Variants in RPSA2 observed in about 807,000 individuals in gnomAD.
RPSA2 encodes the protein ribosomal protein SA 2.
the RPSA2 span, among the ~76,000 whole-genome samples, chr19:23,778,995 C>CTTTTTTTTTTTTT: frequency 2.5e-5 from 2 of 80,696 alleles, no homozygotes; most frequent in Admixed American, 2.2e-4. Context: ...TTTTGTGACA[C>CTTTTTTTTTTTTT]TTTTTTTTTT....
the RPSA2 span, among the ~76,000 whole-genome samples, chr19:23,773,523 C>A: frequency 6.6e-6 from 1 of 152,144 alleles, no homozygotes; most frequent in Admixed American, 6.5e-5. Context: ...ACCTCATGAT[C>A]TGCCCGCCTC....
the RPSA2 span, among the ~76,000 whole-genome samples, chr19:23,867,936 C>A: frequency 3.9e-5 from 6 of 152,106 alleles, no homozygotes; most frequent in Non-Finnish European, 8.8e-5. Context: ...AGTGACAAAC[C>A]TGTGTGGGTG....
the RPSA2 span, among the ~76,000 whole-genome samples, chr19:23,857,483 G>GTTTT: frequency 8.3e-6 from 1 of 120,514 alleles, no homozygotes; most frequent in African/African-American, 3.1e-5. Context: ...TCTTTTTAAA[G>GTTTT]TCTTTTTTTT....
the RPSA2 span, among the ~76,000 whole-genome samples, chr19:23,761,828 A>G: frequency 6.6e-6 from 1 of 151,630 alleles, no homozygotes; most frequent in East Asian, 1.9e-4. Flanking sequence ...TCACGGCACA[A>G]TTACCCTGGA....
chr19:23,774,726 C>T, the RPSA2 span, among the ~76,000 whole-genome samples: 1 of 152,170 alleles, frequency 6.6e-6, no homozygotes, highest in Non-Finnish European at 1.5e-5. Context: ...CTGAGCTTTG[C>T]TTACAGGGAG....
At chr19:23,838,387 T>C in the RPSA2 span, among the ~76,000 whole-genome samples, 1 of 152,184 alleles carries the variant, frequency 6.6e-6, no homozygotes, top group African/African-American at 2.4e-5. Context: ...GATATGGGTC[T>C]GTAGTTTTCT....
the RPSA2 span, among the ~76,000 whole-genome samples, chr19:23,864,231 G>A: frequency 9.2e-5 from 14 of 152,200 alleles, no homozygotes; most frequent in Non-Finnish European, 1.5e-4. Context: ...CGCATGGCCT[G>A]CCTTACCTGA....
the RPSA2 span, chr19:23,799,154 CTT>C: frequency 5.3e-5 from 8 of 152,288 alleles, no homozygotes; most frequent in East Asian, 5.8e-4. Flanking sequence ...CTTGATCAAT[CTT>C]ATATCTAATT....
At chr19:23,849,902 A>G in the RPSA2 span, among the ~76,000 whole-genome samples, 1 of 152,156 alleles carries the variant, frequency 6.6e-6, no homozygotes, top group African/African-American at 2.4e-5. Flanking sequence ...AGTATGGGGT[A>G]TCTCCTATTG....
chr19:23,828,346 G>A, the RPSA2 span, among the ~76,000 whole-genome samples: 2 of 139,862 alleles, frequency 1.4e-5, no homozygotes, highest in African/African-American at 2.6e-5. Context: ...TAATATTGTT[G>A]GGTAGTTTGT....
chr19:23,823,140 A>G, the RPSA2 span, among the ~76,000 whole-genome samples: 1 of 152,220 alleles, frequency 6.6e-6, no homozygotes, highest in Non-Finnish European at 1.5e-5. Context: ...TGTATTTCAC[A>G]GAGAGTTCTC....
At chr19:23,851,450 G>A in the RPSA2 span, among the ~76,000 whole-genome samples, 1 of 152,174 alleles carries the variant, frequency 6.6e-6, no homozygotes, top group Non-Finnish European at 1.5e-5. Context: ...AGTGGTATGA[G>A]ATCTAATATG....
chr19:23,807,637 C>T, the RPSA2 span, among the ~76,000 whole-genome samples: 1 of 109,982 alleles, frequency 9.1e-6, no homozygotes, highest in Non-Finnish European at 2.0e-5. Flanking sequence ...TATTATGCCA[C>T]TCTCTTTTCT....
the RPSA2 span, chr19:23,832,970 A>G: frequency 5.4e-6 from 8 of 1,476,920 alleles, no homozygotes; most frequent in East Asian, 1.7e-4. Context: ...GTAAAACCCT[A>G]CAAGTGTGAA....
At chr19:23,789,878 A>G in the RPSA2 span, among the ~76,000 whole-genome samples, 10 of 151,830 alleles carry the variant, frequency 6.6e-5, no homozygotes, top group Admixed American at 1.3e-4. Flanking sequence ...GGGTTTCACT[A>G]TGTTGTCCAG....
the RPSA2 span, among the ~76,000 whole-genome samples, chr19:23,788,606 C>T: frequency 6.6e-6 from 1 of 152,144 alleles, no homozygotes; most frequent in Non-Finnish European, 1.5e-5. Flanking sequence ...CATTCATCAC[C>T]TAGGTAGTGA....
chr19:23,770,599 C>T, the RPSA2 span, among the ~76,000 whole-genome samples: 1 of 152,138 alleles, frequency 6.6e-6, no homozygotes, highest in Non-Finnish European at 1.5e-5. Flanking sequence ...AGATTTAACC[C>T]CCCTTTTCTG....
At chr19:23,816,307 T>C in the RPSA2 span, among the ~76,000 whole-genome samples, 1 of 152,056 alleles carries the variant, frequency 6.6e-6, no homozygotes, top group Non-Finnish European at 1.5e-5. Flanking sequence ...CAGTTTTTTG[T>C]GTATTTTTGG....
chr19:23,810,471 C>T, the RPSA2 span, among the ~76,000 whole-genome samples: 4 of 147,358 alleles, frequency 2.7e-5, no homozygotes, highest in Non-Finnish European at 4.5e-5. Flanking sequence ...AATTTTTGGA[C>T]AGAGTGAATA....
Sources: allele counts gnomAD v4.1 joint callset (sites outside exome capture counted in the v4.1 genomes callset), GRCh38; gene constraint gnomAD v4.1.1; transcripts MANE v1.5; gene names NCBI Gene and HGNC (gene_info 2026-07-23, HGNC 2026-07-21).